The following SLC6A4 variants were observed in gnomAD, a reference collection of about 807,000 sequenced individuals.
SLC6A4 encodes solute carrier family 6 member 4.
SLC6A4 carries 22 observed loss-of-function variants against 73.4 expected under a neutral mutation model. The observed-to-expected ratio is 0.30, with a 90% CI of 0.21 to 0.43. SLC6A4 has a LOEUF of 0.43. Ranked by LOEUF, SLC6A4 falls within the 20% of genes least tolerant of loss-of-function variation. SLC6A4 has a pLI of 1.00. For synonymous variants in SLC6A4, 270 were observed against 315.5 expected (o/e 0.86, Z 1.53); for missense variants, 593 against 808.5 (o/e 0.73, Z 3.23).
chr17:30,207,592 T>C, intron 13 of SLC6A4, 140 bp downstream of exon 13: 1 of 583,680 alleles, frequency 1.7e-6, no homozygotes, highest in Non-Finnish European at 3.1e-6. Flanking sequence ...GGTTTTGCCA[T>C]GTTGGCCGCC....
Position 30,216,006 on chromosome 17 carries a change from C to G in SLC6A4, c.972+76G>C, listed in dbSNP as rs549487921. On this transcript the variant is annotated intron_variant, in intron 7 of 14. Coordinates refer to ENST00000650711, the MANE Select transcript of SLC6A4 (RefSeq NM_001045.6). The stretch of plus-strand genomic sequence containing the variant: ...TGAAGCCACATTTCAGTTGTCCCTA[C>G]TGTCCTATTTGGAGGAGGACCAGCT... The G allele has an allele frequency of 2.3e-6, 3 of 1,323,526 alleles. No individual in the cohort carries two copies. The East Asian group carries it at 6.9e-5, about 31-fold the overall frequency. The allele number at this position is 1,323,526 out of a possible 1,614,324, so 82.0% of individuals were successfully genotyped here. A position where few individuals can be genotyped will look rare whatever the true frequency, so the allele number is the denominator to read the frequency against.
In SLC6A4 at chr17:30,222,855, G is replaced by A. The variant is rs1488067791; in HGVS notation, c.-160C>T. On this transcript the variant is annotated 5_prime_UTR_variant, in exon 2 of 15. Transcript: ENST00000650711. ...CTTTCCACTTGCCAGCAACTCCTGT[G>A]GCTAAGCCCCTTGTTATTCTGCAAG... The A allele has an allele frequency of 4.6e-6, 6 of 1,304,318 alleles. No individual in the cohort carries two copies. The highest frequency in any genetic ancestry group is 6.1e-6 in the Non-Finnish European group (6 of 988,742). 80.8% of individuals were successfully genotyped at this position (1,304,318 alleles called of 1,614,324 possible). A position where few individuals can be genotyped will look rare whatever the true frequency, so the allele number is the denominator to read the frequency against.
At position 30,211,778 on chromosome 17, in the gene SLC6A4, T is replaced by C. The variant is rs1307347358; in HGVS notation, c.1205-354A>G. 6.6e-6 allele frequency among the ~76,000 whole-genome samples: 1 copy of C among 152,224 alleles called. No individual in the cohort carries two copies. The highest frequency in any genetic ancestry group is 1.5e-5 in the Non-Finnish European group (1 of 68,046). On this transcript the variant is annotated intron_variant, in intron 9 of 14. Transcript: ENST00000650711. This position sits in a 1 kb window ranked among gnomAD's most constrained non-coding sequence, Gnocchi z 4.0. ...GATTTCTCAGGACCAGGATTGATAT[T>C]TCTAAAGTCCATGACAGTTAGCCCC... is the stretch of plus-strand genomic sequence containing the variant.
intron 1 of SLC6A4, among the ~76,000 whole-genome samples, chr17:30,230,104 A>AGAG (rs57279444): frequency 2.6e-4 from 31 of 119,906 alleles, no homozygotes; most frequent in East Asian, 2.1e-3. Context: ...AAGAGGAGGA[A>AGAG]GAGGAAGAGG....
At chr17:30,207,548 C>T (rs1350520646) in intron 13 of SLC6A4, among the ~76,000 whole-genome samples, 184 bp downstream of exon 13, 2 of 152,040 alleles carry the variant, frequency 1.3e-5, no homozygotes, top group East Asian at 1.9e-4. Context: ...TCACCACACC[C>T]GGCTAATTTT....
Position 30,221,482 on chromosome 17 carries a change from T to C in SLC6A4, c.343+134A>G, listed in dbSNP as rs56362584. On this transcript the variant is annotated intron_variant, in intron 3 of 14. Transcript: ENST00000650711. ...CACCCCAGGTCACAGCCCACCCGGG[T>C]CACAGCCCATCCCAGGTCACAGCCC... 1,459 of 257,600 alleles carry C rather than the reference T, an allele frequency of 5.7e-3. 33 individuals are homozygous for C. In the African/African-American group the frequency reaches 0.063, roughly 11 times the overall value. 16.0% of individuals were successfully genotyped at this position (257,600 alleles called of 1,614,324 possible). A position where few individuals can be genotyped will look rare whatever the true frequency, so the allele number is the denominator to read the frequency against.
Position 30,221,727 on chromosome 17 carries a change from C to T in SLC6A4, c.232G>A (p.Glu78Lys). 1 of 1,614,196 alleles carries T rather than the reference C, an allele frequency of 6.2e-7. No individual in the cohort carries two copies. Among genetic ancestry groups the T allele is most frequent in the East Asian group, 2.2e-5 (1 of 44,890 alleles). ...TTLVAELHQGERETWGKKVDF... is the reference protein window; with the variant it reads ...TTLVAELHQGKRETWGKKVDF... ...ACCTTCTTGCCCCAGGTCTCCCGTT[C>T]CCCTTGATGAAGCTCAGCCACTAGG... Residue 78 changes from glutamate (E) to lysine (K), a missense_variant, in exon 3 of 15, where the codon GAA becomes AAA. Coordinates refer to ENST00000650711, the MANE Select transcript of SLC6A4 (RefSeq NM_001045.6).
intron 1 of SLC6A4, among the ~76,000 whole-genome samples, chr17:30,227,722 G>A (rs1468098946): frequency 6.6e-6 from 1 of 152,148 alleles, no homozygotes; most frequent in African/African-American, 2.4e-5. Flanking sequence ...CCTGGCCTAT[G>A]AGCAATCCTC....
intron 1 of SLC6A4, among the ~76,000 whole-genome samples, chr17:30,223,527 C>T (rs1211946846): frequency 1.3e-5 from 2 of 152,296 alleles, no homozygotes; most frequent in Non-Finnish European, 2.9e-5. Flanking sequence ...AAGGATTAGA[C>T]ATGAACACCA....
In SLC6A4 at chr17:30,195,862, A is replaced by G. The variant is rs1333415100; in HGVS notation, c.*2594T>C. Reference sequence around the variant, plus strand: ...AGACGGAGTTTCGCTCTTGTCATCCAGGCTGGAATGCAGTGGAACGTTTGG... The same window carrying G: ...AGACGGAGTTTCGCTCTTGTCATCCGGGCTGGAATGCAGTGGAACGTTTGG... On this transcript the variant is annotated 3_prime_UTR_variant, in exon 15 of 15. Coordinates refer to ENST00000650711, the MANE Select transcript of SLC6A4 (RefSeq NM_001045.6). 13 of 149,050 alleles carry G rather than the reference A, an allele frequency of 8.7e-5. No homozygotes were observed. The Admixed American group carries it at 8.8e-4, about 10-fold the overall frequency. The allele number at this position is 149,050 out of a possible 1,614,324, so 9.2% of individuals were successfully genotyped here.
intron 1 of SLC6A4, among the ~76,000 whole-genome samples, chr17:30,223,487 A>C (rs1906832982): frequency 6.6e-6 from 1 of 152,238 alleles, no homozygotes; most frequent in South Asian, 2.1e-4. Flanking sequence ...TAGTAGCTTC[A>C]CAAGAATGAC....
intron 13 of SLC6A4, 74 bp downstream of exon 13, chr17:30,207,658 T>C (rs1906249687): frequency 9.8e-7 from 1 of 1,024,378 alleles, no homozygotes; most frequent in African/African-American, 1.6e-5. Flanking sequence ...TGCCCAGCCA[T>C]TACAATTCAT....
At chr17:30,230,976 G>A (rs559402331) in intron 1 of SLC6A4, among the ~76,000 whole-genome samples, 30 of 152,280 alleles carry the variant, frequency 2.0e-4, no homozygotes, top group African/African-American at 6.3e-4. Flanking sequence ...CACCAGTCTA[G>A]TTCTCAGATA....
intron 1 of SLC6A4, among the ~76,000 whole-genome samples, chr17:30,231,897 C>T (rs1567824763): frequency 2.0e-5 from 3 of 152,152 alleles, no homozygotes; most frequent in Admixed American, 1.3e-4. Context: ...CCCATCATTA[C>T]GGAGGGAAGA....
chr17:30,214,338 C>A (rs777047955), intron 8 of SLC6A4, among the ~76,000 whole-genome samples: 3 of 141,662 alleles, frequency 2.1e-5, no homozygotes, highest in Non-Finnish European at 4.5e-5. Flanking sequence ...AGGAGAATCG[C>A]TTGAACCCGG....
chr17:30,199,605 A>G (rs1432213605), intron 14 of SLC6A4, among the ~76,000 whole-genome samples: 1 of 152,220 alleles, frequency 6.6e-6, no homozygotes. Context: ...ACAGTTAATG[A>G]AATGCACTAT....
chr17:30,216,188 T>A lies in SLC6A4; in HGVS notation c.866A>T (p.Tyr289Phe). 6.2e-7 allele frequency: 1 copy of A among 1,609,986 alleles called. No homozygotes were observed. The highest frequency in any genetic ancestry group is 8.5e-7 in the Non-Finnish European group (1 of 1,178,432). The change falls in exon 7 of 15, where the codon TAT (tyrosine) becomes TTT (phenylalanine). Residue 289 changes from tyrosine to phenylalanine, a missense_variant. Transcript: ENST00000650711. Reference protein sequence around the residue: ...KVVWVTATFPYIILSVLLVRG... With the variant: ...KVVWVTATFPFIILSVLLVRG... The stretch of plus-strand genomic sequence containing the variant: ...CACCAGCAGGACAGAAAGGATGATA[T>A]AAGGGAAGGTGGCTGTCACCCACAC...
In SLC6A4 at chr17:30,217,206, A is replaced by G. The variant is rs199913287; in HGVS notation, c.797T>C (p.Ile266Thr). The change falls in exon 6 of 15, where the codon ATC (isoleucine) becomes ACC (threonine). Residue 266 changes from isoleucine to threonine, a missense_variant. Coordinates refer to ENST00000650711, the MANE Select transcript of SLC6A4 (RefSeq NM_001045.6). ...GACGCCTTTCCAGATGCTGAAGTAG[A>G]TAACAGTGAAGATCAGCATGATGCA... ...ALCIMLIFTV[I>T]YFSIWKGVKT... is the part of the protein sequence containing the mutation. The G allele has an allele frequency of 1.9e-6, 3 of 1,614,132 alleles. No individual in the cohort carries two copies. Among genetic ancestry groups the G allele is most frequent in the South Asian group, 1.1e-5 (1 of 91,074 alleles).
At chr17:30,222,663 A>G (rs1375099083) in intron 2 of SLC6A4, among the ~76,000 whole-genome samples, 156 bp downstream of exon 2, 1 of 152,260 alleles carries the variant, frequency 6.6e-6, no homozygotes, top group Non-Finnish European at 1.5e-5. Context: ...CCAGCTCATC[A>G]GCTACAGATT....
Sources: allele counts gnomAD v4.1 joint callset (sites outside exome capture counted in the v4.1 genomes callset), GRCh38; gene constraint gnomAD v4.1.1; non-coding constraint Gnocchi (gnomAD v3.1); transcripts MANE v1.5; gene names NCBI Gene and HGNC (gene_info 2026-07-23, HGNC 2026-07-21).